PLAA: variants seen among roughly 807,000 people sequenced by gnomAD.
PLAA encodes phospholipase A-2-activating protein.
In PLAA, 48 loss-of-function variants were observed where a neutral mutation model predicts 84.1. The ratio of observed to expected loss-of-function variants is 0.57; its 90% CI spans 0.45 to 0.73. The LOEUF (loss-of-function observed/expected upper bound fraction) is 0.73, where lower values mean the gene tolerates loss of function less well. Among genes scored for constraint, PLAA ranks in the 30% least tolerant of loss-of-function variants. The pLI, the probability that PLAA is intolerant of heterozygous loss-of-function variation, is 0.00. For synonymous variants in PLAA, 392 were observed against 336.6 expected, an observed-to-expected ratio of 1.16 and a Z score of -1.80; for missense variants, 903 against 954.7, an observed-to-expected ratio of 0.95 and a Z score of 0.71.
At chr9:26,916,340 T>C (rs1824559023) in intron 10 of PLAA, 4 of 987,040 alleles carry the variant, frequency 4.1e-6, no homozygotes, top group Non-Finnish European at 4.8e-6. Flanking sequence ...TTATACAAGA[T>C]ATCAAAAGCC....
intron 4 of PLAA, 114 bp from the exon 5 acceptor site, chr9:26,926,674 G>T: frequency 1.4e-6 from 1 of 719,438 alleles, no homozygotes; most frequent in Non-Finnish European, 2.1e-6. Context: ...TAATTTTCAA[G>T]TTAGAGAAAT....
Position 26,925,977 on chromosome 9 carries a change from T to C in PLAA, c.734-17A>G, listed in dbSNP as rs372889383. The C allele has an allele frequency of 1.1e-5, 18 of 1,597,460 alleles. No homozygotes were observed. Among genetic ancestry groups the C allele is most frequent in the African/African-American group, 9.4e-5 (7 of 74,584 alleles). On this transcript the variant is annotated splice_polypyrimidine_tract_variant and intron_variant, in intron 5 of 13. Transcript: ENST00000397292. ...TCACAAAGTCTAAAATTAATGAATA[T>C]AGGAAGTATTAGTTTGAATAAAATT... is the stretch of plus-strand genomic sequence containing the variant.
chr9:26,944,190 C>G (rs2131432638), intron 1 of PLAA, among the ~76,000 whole-genome samples: 1 of 152,320 alleles, frequency 6.6e-6, no homozygotes, highest in Middle Eastern at 3.4e-3. Flanking sequence ...GCTGTGTGCT[C>G]TCCTACCCTT....
rs143610618 is a variant in PLAA at position 26,922,312 on chromosome 9, T to C, written c.1039+866A>G. On this transcript the variant is annotated intron_variant, in intron 7 of 13. Transcript: ENST00000397292. ...TTTTTTTTTTTAAACTACAACTGCA[T>C]GCAAGTAGAACATAGTAACTTACCA... Among the ~76,000 whole-genome samples the C allele has an allele frequency of 8.7e-3, 1,321 of 151,898 alleles. 15 individuals are homozygous for C. Among genetic ancestry groups the C allele is most frequent in the African/African-American group, 0.03 (1,245 of 41,460 alleles).
chr9:26,946,512 GA>G lies in PLAA; in HGVS notation c.149+384del, dbSNP rs75570453. 8.3e-3 allele frequency among the ~76,000 whole-genome samples: 1,022 copies of G among 123,026 alleles called. 7 individuals are homozygous for G. Among genetic ancestry groups the G allele is most frequent in the African/African-American group, 0.019 (646 of 34,760 alleles). 80.7% of individuals were successfully genotyped at this position (123,026 alleles called of 152,430 possible). ...CAGAAGACTACAGAGCATCTTCTTC[GA>G]AAAAAAAAAAAAAAGAGGACATTTC... is the stretch of plus-strand genomic sequence containing the variant. On this transcript the variant is annotated intron_variant, in intron 1 of 13. Transcript: ENST00000397292.
chr9:26,924,316 T>A (rs1249887422), intron 6 of PLAA, among the ~76,000 whole-genome samples: 1 of 151,958 alleles, frequency 6.6e-6, no homozygotes, highest in East Asian at 1.9e-4. Flanking sequence ...TTTTTTTGTA[T>A]GGAGACAGGG....
chr9:26,941,484 C>A (rs1825540496), intron 1 of PLAA, among the ~76,000 whole-genome samples: 2 of 152,288 alleles, frequency 1.3e-5, no homozygotes, highest in Non-Finnish European at 2.9e-5. Context: ...GAGCACAGAT[C>A]TCCCAGGAGC....
At chr9:26,932,218 GTTTT>G (rs1563916965) in intron 2 of PLAA, among the ~76,000 whole-genome samples, 1 of 75,564 alleles carries the variant, frequency 1.3e-5, no homozygotes, top group Non-Finnish European at 2.3e-5. Context: ...GGATGTTTTT[GTTTT>G]GTTTTGTTTT....
rs140970730 is a variant in PLAA at position 26,917,138 on chromosome 9, G to A, written c.1445C>T (p.Ser482Leu). The A allele has an allele frequency of 7.7e-4, 1,238 of 1,613,864 alleles. 1 individual carries two copies. The highest frequency in any genetic ancestry group is 4.3e-3 in the Middle Eastern group (26 of 6,058). Residue 482 changes from serine (S) to leucine (L), a missense_variant, in exon 10 of 14, where the codon TCG (serine) becomes TTG (leucine). Ser to Leu is a moderately radical substitution (Grantham distance 145). Transcript: ENST00000397292. ...TGTGGGTAGTGTGTTAGAAGATCCCGAAGAGCCCGGAACATACCGACCACC... is the reference window on the plus strand; with the variant it reads ...TGTGGGTAGTGTGTTAGAAGATCCCAAAGAGCCCGGAACATACCGACCACC... ...TGGGRYVPGSSGSSNTLPTAD... is the reference protein window; with the variant it reads ...TGGGRYVPGSLGSSNTLPTAD...
chr9:26,907,728 C>T, intron 13 of PLAA, 106 bp downstream of exon 13: 2 of 935,940 alleles, frequency 2.1e-6, no homozygotes, highest in Non-Finnish European at 3.2e-6. Context: ...TGATTTAGAA[C>T]TACCGAAGTT....
chr9:26,910,315 A>G (rs748453151), intron 12 of PLAA, 23 bp downstream of exon 12: 1 of 1,538,752 alleles, frequency 6.5e-7, no homozygotes, highest in Non-Finnish European at 9.0e-7. Flanking sequence ...GAATATGTGA[A>G]TAAATTAATT....
chr9:26,934,347 C>A (rs543016742), intron 2 of PLAA, among the ~76,000 whole-genome samples: 5 of 152,234 alleles, frequency 3.3e-5, no homozygotes, highest in South Asian at 2.1e-4. Context: ...CCTAAACACA[C>A]TGCTCTGGGT....
At chr9:26,924,433 C>T (rs1053642937) in intron 6 of PLAA, among the ~76,000 whole-genome samples, 10 of 152,114 alleles carry the variant, frequency 6.6e-5, no homozygotes, top group Admixed American at 6.5e-4. Flanking sequence ...AGCAGCTGGC[C>T]TTCTTATTGC....
intron 8 of PLAA, among the ~76,000 whole-genome samples, chr9:26,919,963 T>G (rs1824703647): frequency 6.6e-6 from 1 of 152,100 alleles, no homozygotes; most frequent in African/African-American, 2.4e-5. Context: ...AAGCTCCCAA[T>G]CCAAAATGGC....
chr9:26,929,744 T>C (rs762295421), intron 2 of PLAA, among the ~76,000 whole-genome samples: 1 of 152,194 alleles, frequency 6.6e-6, no homozygotes, highest in Non-Finnish European at 1.5e-5. Context: ...TTTTCCATAA[T>C]TGTATATTGG....
chr9:26,923,514 CTATTA>C lies in PLAA; in HGVS notation c.870-172_870-168del, dbSNP rs1824841569. The stretch of plus-strand genomic sequence containing the variant: ...TGTGCTGACTTCAGCACATGCTACT[CTATTA>C]TGTCAACTATTTAATAGAGAAGTTA... On this transcript the variant is annotated intron_variant, in intron 6 of 13. Transcript: ENST00000397292. 3.9e-5 allele frequency among the ~76,000 whole-genome samples: 6 copies of C among 152,312 alleles called. No individual in the cohort carries two copies. In the South Asian group the frequency reaches 1.2e-3, roughly 32 times the overall value.
At chr9:26,911,964 CAT>C (rs1193980963) in intron 11 of PLAA, among the ~76,000 whole-genome samples, 2 of 151,986 alleles carry the variant, frequency 1.3e-5, no homozygotes, top group African/African-American at 4.8e-5. Context: ...AAAAATGAGC[CAT>C]ACACACATTG....
At chr9:26,944,332 GC>G (rs1825625516) in intron 1 of PLAA, among the ~76,000 whole-genome samples, 1 of 152,104 alleles carries the variant, frequency 6.6e-6, no homozygotes. Flanking sequence ...GTGGTATTCT[GC>G]TACAGCAACA....
At chr9:26,911,094 AG>A (rs1824385599) in intron 11 of PLAA, among the ~76,000 whole-genome samples, 1 of 151,934 alleles carries the variant, frequency 6.6e-6, no homozygotes, top group African/African-American at 2.4e-5. Context: ...GTACATGTGC[AG>A]GATGTGCAAG....
Sources: allele counts gnomAD v4.1 joint callset (sites outside exome capture counted in the v4.1 genomes callset), GRCh38; gene constraint gnomAD v4.1.1; transcripts MANE v1.5; gene names NCBI Gene and HGNC (gene_info 2026-07-23, HGNC 2026-07-21).